The following SLC24A2 variants were observed in gnomAD, a reference collection of about 807,000 sequenced individuals.
SLC24A2 encodes the protein sodium/potassium/calcium exchanger 2.
SLC24A2 carries 36 observed loss-of-function variants against 62.0 expected under a neutral mutation model. The observed-to-expected ratio is 0.58, with a 90% confidence interval of 0.44 to 0.77. The LOEUF is 0.77. SLC24A2 is among the 30% of genes least tolerant of loss of function. The pLI, the probability that SLC24A2 is intolerant of heterozygous loss-of-function variation, is 0.00. For synonymous variants in SLC24A2, 358 were observed against 294.0 expected (o/e 1.22, Z -2.23); for missense variants, 846 against 817.9 (o/e 1.03, Z -0.42).
chr9:19,700,362 T>G (rs1460674664), intron 2 of SLC24A2, among the ~76,000 whole-genome samples: 3 of 152,178 alleles, frequency 2.0e-5, no homozygotes, highest in Admixed American at 6.5e-5. Flanking sequence ...CCACTCTTAC[T>G]CTGAAACAAG....
chr9:19,560,930 G>GAC, intron 7 of SLC24A2, among the ~76,000 whole-genome samples: 1 of 148,182 alleles, frequency 6.7e-6, no homozygotes, highest in South Asian at 2.2e-4. Context: ...GAGAGAGAGA[G>GAC]AGAGAGAGAG....
chr9:20,100,196 TTTTG>T, the SLC24A2 span, among the ~76,000 whole-genome samples: 37 of 145,820 alleles, frequency 2.5e-4, no homozygotes, highest in African/African-American at 9.2e-4. Flanking sequence ...GTGTGTGTGT[TTTTG>T]TTTGTTTTTT....
intron 5 of SLC24A2, among the ~76,000 whole-genome samples, chr9:19,591,343 G>C (rs752192689): frequency 6.6e-6 from 1 of 152,134 alleles, no homozygotes; most frequent in Non-Finnish European, 1.5e-5. Flanking sequence ...CCAACACACA[G>C]TTATATGAAA....
At chr9:19,758,441 C>T (rs1822211650) in intron 2 of SLC24A2, among the ~76,000 whole-genome samples, 1 of 152,172 alleles carries the variant, frequency 6.6e-6, no homozygotes, top group South Asian at 2.1e-4. Context: ...CCATAAATAA[C>T]CTGTTTGTGG....
chr9:19,533,379 G>A (rs1833800166), intron 8 of SLC24A2, among the ~76,000 whole-genome samples: 1 of 152,160 alleles, frequency 6.6e-6, no homozygotes, highest in African/African-American at 2.4e-5. Flanking sequence ...GCAAAAATGG[G>A]CACAATACTT....
At chr9:19,579,003 G>C (rs1020990481) in intron 5 of SLC24A2, among the ~76,000 whole-genome samples, 4 of 152,194 alleles carry the variant, frequency 2.6e-5, no homozygotes, top group African/African-American at 7.2e-5. Flanking sequence ...GGAGGTTGGT[G>C]TGTGGCTTGG....
the SLC24A2 span, among the ~76,000 whole-genome samples, chr9:20,104,770 G>A: frequency 2.6e-5 from 4 of 152,132 alleles, no homozygotes; most frequent in African/African-American, 7.2e-5. Context: ...GACCATCAAG[G>A]CTAGGAAGAA....
chr9:20,221,071 C>T, the SLC24A2 span, among the ~76,000 whole-genome samples: 1,647 of 151,950 alleles, frequency 0.011, 30 homozygotes, highest in African/African-American at 0.036. Context: ...ATCACCAGAG[C>T]TTATAGAGTG....
chr9:19,914,470 G>A, the SLC24A2 span, among the ~76,000 whole-genome samples: 1 of 152,090 alleles, frequency 6.6e-6, no homozygotes, highest in Admixed American at 6.6e-5. Context: ...CACTAAACAT[G>A]TAGCATTTTC....
At chr9:19,685,546 C>T (rs1587150061) in intron 2 of SLC24A2, among the ~76,000 whole-genome samples, 1 of 152,030 alleles carries the variant, frequency 6.6e-6, no homozygotes, top group South Asian at 2.1e-4. Context: ...CAGAATGGTA[C>T]TGATACAAAA....
rs1589112307 is a variant in SLC24A2 at position 19,513,825 on chromosome 9, A to C, written c.*2328T>G. ...GCCCTTCAAGAAATACACAGGGAAA[A>C]CAACTGGAGTTTTTAAACGTAAAGT... On this transcript the variant is annotated 3_prime_UTR_variant, in exon 11 of 11. Coordinates refer to ENST00000341998, the MANE Select transcript of SLC24A2 (RefSeq NM_020344.4). The C allele has an allele frequency of 6.6e-6, 1 of 152,218 alleles. No homozygotes were observed. The highest frequency in any genetic ancestry group is 2.4e-5 in the African/African-American group (1 of 41,454). 9.4% of individuals were successfully genotyped at this position (152,218 alleles called of 1,614,324 possible). A position where few individuals can be genotyped will look rare whatever the true frequency, so the allele number is the denominator to read the frequency against.
chr9:20,273,721 T>C, the SLC24A2 span, among the ~76,000 whole-genome samples: 3 of 152,158 alleles, frequency 2.0e-5, no homozygotes, highest in Non-Finnish European at 4.4e-5. Flanking sequence ...CAGTCTCAGG[T>C]ATGTCTTTAT....
upstream of SLC24A2, among the ~76,000 whole-genome samples, chr9:19,790,466 T>C (rs1365229035): frequency 1.3e-5 from 2 of 149,748 alleles, no homozygotes; most frequent in Non-Finnish European, 3.0e-5. Context: ...ACCACTAGGG[T>C]TGTGTCAAGA....
At chr9:19,821,974 G>C in the SLC24A2 span, among the ~76,000 whole-genome samples, 21 of 152,186 alleles carry the variant, frequency 1.4e-4, no homozygotes, top group African/African-American at 4.8e-4. Context: ...CCTCACCTGA[G>C]GATGCTGGGG....
chr9:19,885,570 A>G, the SLC24A2 span, among the ~76,000 whole-genome samples: 3 of 152,190 alleles, frequency 2.0e-5, no homozygotes, highest in Non-Finnish European at 4.4e-5. Context: ...AGTGGTAACT[A>G]AGCACTTAAT....
chr9:20,021,497 C>T, the SLC24A2 span, among the ~76,000 whole-genome samples: 4 of 151,776 alleles, frequency 2.6e-5, no homozygotes, highest in Non-Finnish European at 4.4e-5. Flanking sequence ...ACCAGGAGAA[C>T]GAGTTCTGGA....
chr9:19,604,087 G>A lies in SLC24A2; in HGVS notation c.1079-6808C>T, dbSNP rs375104135. ...CAGAGTAAAGGGGCACTCTGTATGC[G>A]TTCAACAAATGCTGCTAAGTTGAAT... is the stretch of plus-strand genomic sequence containing the variant. On this transcript the variant is annotated intron_variant, in intron 4 of 10. Transcript: ENST00000341998. Among the ~76,000 whole-genome samples, 130 of 152,324 alleles carry A rather than the reference G, an allele frequency of 8.5e-4. 1 individual carries two copies. Among genetic ancestry groups the A allele is most frequent in the African/African-American group, 2.7e-3 (111 of 41,570 alleles).
chr9:19,668,964 C>A (rs1427532556), intron 2 of SLC24A2, among the ~76,000 whole-genome samples: 1 of 152,192 alleles, frequency 6.6e-6, no homozygotes, highest in African/African-American at 2.4e-5. Context: ...TATATTTCAT[C>A]AGCCTGTCTC....
the SLC24A2 span, among the ~76,000 whole-genome samples, chr9:19,968,870 T>C: frequency 1.3e-5 from 2 of 152,148 alleles, no homozygotes; most frequent in South Asian, 4.1e-4. Context: ...GAAAATTAAC[T>C]GAAGGGAGAA....
Sources: gnomAD v4.1 joint callset for allele counts (sites outside exome capture counted in the v4.1 genomes callset) on GRCh38, gnomAD v4.1.1 for gene constraint, MANE v1.5 for transcripts, NCBI Gene and HGNC (gene_info 2026-07-23, HGNC 2026-07-21) for gene names.